The following EMC1 variants were observed in gnomAD, a reference collection of about 807,000 sequenced individuals.
EMC1 encodes KIAA0090.
In EMC1, 103 loss-of-function variants were observed where a neutral mutation model predicts 128.8. That is an observed-to-expected ratio of 0.80 (90% CI 0.68 to 0.94). The LOEUF (loss-of-function observed/expected upper bound fraction) is 0.94, where lower values mean the gene tolerates loss of function less well. Among genes scored for constraint, EMC1 ranks in the 40% least tolerant of loss-of-function variants. The probability of loss-of-function intolerance (pLI) is 0.00; values close to 1 mark genes in which losing one functional copy is unlikely to be tolerated. For missense variants in EMC1, 1,083 were observed against 1,250.6 expected (o/e 0.87, Z 2.02); for synonymous variants, 442 against 490.4 (o/e 0.90, Z 1.30).
chr1:19,222,200 C>T lies in EMC1; in HGVS notation c.2587+424G>A, dbSNP rs116027244. On this transcript the variant is annotated intron_variant, in intron 20 of 22. Transcript: ENST00000477853. Reference sequence around the variant, plus strand: ...GGCAGCCAGGCACGATGGCTCACACCTGTAATCCCAACACTTCAGGAGGCC... The same window carrying T: ...GGCAGCCAGGCACGATGGCTCACACTTGTAATCCCAACACTTCAGGAGGCC... Among the ~76,000 whole-genome samples the T allele has an allele frequency of 5.6e-3, 843 of 150,132 alleles. 4 individuals are homozygous for T. Among genetic ancestry groups the T allele is most frequent in the Non-Finnish European group, 9.0e-3 (608 of 67,334 alleles).
At chr1:19,236,357 C>A (rs1378711124) in intron 12 of EMC1, among the ~76,000 whole-genome samples, 10 of 149,194 alleles carry the variant, frequency 6.7e-5, no homozygotes, top group Admixed American at 6.1e-4. Context: ...AAAACTCTGT[C>A]TCAAAAAAGA....
intron 6 of EMC1, 59 bp downstream of exon 6, chr1:19,240,957 A>G (rs1008255892): frequency 2.5e-6 from 4 of 1,584,838 alleles, no homozygotes; most frequent in Non-Finnish European, 2.6e-6. Flanking sequence ...AGTACAAAGA[A>G]ATCTATCAAG....
intron 20 of EMC1, chr1:19,221,392 T>A (rs1439332415): frequency 2.0e-5 from 3 of 152,412 alleles, no homozygotes; most frequent in Non-Finnish European, 4.4e-5. Flanking sequence ...TCCCAGCACT[T>A]TGGGAGGCCG....
chr1:19,219,589 C>G lies in EMC1; in HGVS notation c.2782G>C (p.Gly928Arg). ...RMRGIYTAPS[G>R]LESTCLVVAY... ...CTCACCAAACAAGTGGACTCCAGACCCGAGGGAGCTGTGTAGATACCTCGC... is the reference window on the plus strand; with the variant it reads ...CTCACCAAACAAGTGGACTCCAGACGCGAGGGAGCTGTGTAGATACCTCGC... The change falls in exon 22 of 23, where the codon GGT becomes CGT. Residue 928 changes from glycine (G) to arginine (R), a missense_variant. Gly to Arg is a moderately radical substitution (Grantham distance 125). Coordinates refer to ENST00000477853, the MANE Select transcript of EMC1 (RefSeq NM_015047.3). 1 of 1,614,060 alleles carries G rather than the reference C, an allele frequency of 6.2e-7. No individual in the cohort carries two copies. Among genetic ancestry groups the G allele is most frequent in the East Asian group, 2.2e-5 (1 of 44,872 alleles).
At chr1:19,237,319 T>G in intron 11 of EMC1, 81 bp from the exon 12 acceptor site, 1 of 953,410 alleles carries the variant, frequency 1.0e-6, no homozygotes, top group Non-Finnish European at 1.7e-6. Context: ...AGTCAAAGCC[T>G]GGACTTAACA....
chr1:19,228,958 C>T (rs1372036261), intron 17 of EMC1, among the ~76,000 whole-genome samples: 2 of 152,208 alleles, frequency 1.3e-5, no homozygotes, highest in East Asian at 1.9e-4. Context: ...GCAGGAGAAT[C>T]GCTTGAAACC....
rs746049382 is a variant in EMC1 at position 19,227,371 on chromosome 1, C to A, written c.2144G>T (p.Ser715Ile). 6.2e-7 allele frequency: 1 copy of A among 1,614,216 alleles called. No individual in the cohort carries two copies. The highest frequency in any genetic ancestry group is 1.1e-5 in the South Asian group (1 of 91,086). Reference protein sequence around the residue: ...QRIVKVKGKRSSEHVHSQGRV... With the variant: ...QRIVKVKGKRISEHVHSQGRV... ...GCCCTGGGAATGAACGTGCTCACTG[C>A]TGCGTTTCCCCTTCACCTTGACGAT... is the stretch of plus-strand genomic sequence containing the variant. Residue 715 changes from serine (S) to isoleucine (I), a missense_variant, in exon 18 of 23, where the codon AGC becomes ATC. Physicochemically the swap from Ser to Ile is moderately radical, Grantham distance 142 (BLOSUM62 -2). Around this residue, in one of 3 missense-constraint regions of EMC1, gnomAD observed 527 missense variants for 644.1 expected, o/e 0.82. Coordinates refer to ENST00000477853, the MANE Select transcript of EMC1 (RefSeq NM_015047.3).
intron 1 of EMC1, among the ~76,000 whole-genome samples, chr1:19,250,054 CCAAAAATA>C (rs1209328576): frequency 6.6e-6 from 1 of 151,748 alleles, no homozygotes; most frequent in African/African-American, 2.4e-5. Flanking sequence ...CCTGTCTCTA[CCAAAAATA>C]CAAAAATTAG....
At position 19,235,115 on chromosome 1, in the gene EMC1, C is replaced by T; in HGVS notation, c.1432+15G>A. The stretch of plus-strand genomic sequence containing the variant: ...CCTCCAGCAACTCTGCAGCTCCAAC[C>T]TCTTAGGTTCATACCTGCCTTTTTG... On this transcript the variant is annotated intron_variant, in intron 13 of 22. Transcript: ENST00000477853. 1 of 1,612,570 alleles carries T rather than the reference C, an allele frequency of 6.2e-7. No individual in the cohort carries two copies. The highest frequency in any genetic ancestry group is 1.3e-5 in the African/African-American group (1 of 75,056).
In EMC1 at chr1:19,227,350, T is replaced by C. The variant is rs1160917593; in HGVS notation, c.2165A>G (p.Gln722Arg). 6.2e-7 allele frequency: 1 copy of C among 1,614,054 alleles called. No individual in the cohort carries two copies. Among genetic ancestry groups the C allele is most frequent in the Admixed American group, 1.7e-5 (1 of 60,010 alleles). The change falls in exon 18 of 23, where the codon CAG becomes CGG. Residue 722 changes from glutamine (Q) to arginine (R), a missense_variant. Physicochemically the swap from Gln to Arg is conservative, Grantham distance 43 (BLOSUM62 1). Transcript: ENST00000477853. ...ACTGCGGTCCCCCATCACACGGCCC[T>C]GGGAATGAACGTGCTCACTGCTGCG... ...GKRSSEHVHSQGRVMGDRSVL... is the reference protein window; with the variant it reads ...GKRSSEHVHSRGRVMGDRSVL...
In EMC1 at chr1:19,216,156, C is replaced by G; in HGVS notation, c.*3147G>C. ...GGAGGCTAAGGAGGGAGGATCACTTCAGCCCAGGTGTTCGAGGCTGCAGTG... is the reference window on the plus strand; with the variant it reads ...GGAGGCTAAGGAGGGAGGATCACTTGAGCCCAGGTGTTCGAGGCTGCAGTG... On this transcript the variant is annotated 3_prime_UTR_variant, in exon 23 of 23. Coordinates refer to ENST00000477853, the MANE Select transcript of EMC1 (RefSeq NM_015047.3). 6.7e-6 allele frequency: 1 copy of G among 148,882 alleles called. No individual in the cohort carries two copies. The highest frequency in any genetic ancestry group is 1.5e-5 in the Non-Finnish European group (1 of 67,734). The allele number at this position is 148,882 out of a possible 1,614,324, so 9.2% of individuals were successfully genotyped here.
rs767753573 is a variant in EMC1, at chr1:19,227,281, T to G, written c.2202+32A>C. 44 of 1,612,980 alleles carry G rather than the reference T, an allele frequency of 2.7e-5. No homozygotes were observed. The Admixed American group carries it at 6.8e-4, about 25-fold the overall frequency. ...CCTTGTTTTCCTGATTCGAAAGCCC[T>G]TGCTGTAGACCAGACAGCTGGCTGT... On this transcript the variant is annotated intron_variant, in intron 18 of 22. Coordinates refer to ENST00000477853, the MANE Select transcript of EMC1 (RefSeq NM_015047.3).
chr1:19,219,068 T>C lies in EMC1; in HGVS notation c.*235A>G, dbSNP rs556424736. ...CCTTTGGACTTCAAGAGAAAGCCCA[T>C]CAGGAATCTCTGAGAGTGTCAGCTG... On this transcript the variant is annotated 3_prime_UTR_variant, in exon 23 of 23. Transcript: ENST00000477853. 1.3e-5 allele frequency: 6 copies of C among 477,752 alleles called. No individual in the cohort carries two copies. The South Asian group carries it at 1.9e-4, about 15-fold the overall frequency. 29.6% of individuals were successfully genotyped at this position (477,752 alleles called of 1,614,324 possible). A position where few individuals can be genotyped will look rare whatever the true frequency, so the allele number is the denominator to read the frequency against.
intron 18 of EMC1, among the ~76,000 whole-genome samples, chr1:19,224,388 G>A (rs368453794): frequency 1.8e-4 from 28 of 152,158 alleles, no homozygotes; most frequent in Middle Eastern, 3.4e-3. Flanking sequence ...ACTTAACATG[G>A]CCCAAGCTGA....
chr1:19,235,161 G>A lies in EMC1; in HGVS notation c.1401C>T (p.Ala467=), dbSNP rs372799046. Residue 467 remains alanine, a synonymous_variant, in exon 13 of 23, where the codon GCC becomes GCT. Coordinates refer to ENST00000477853, the MANE Select transcript of EMC1 (RefSeq NM_015047.3). ...TTTTGCCAAATTCTCCTTCCAGCTCGGCCTGTGCCCCAGTCAGGGGGAGGT... is the reference window on the plus strand; with the variant it reads ...TTTTGCCAAATTCTCCTTCCAGCTCAGCCTGTGCCCCAGTCAGGGGGAGGT... ...MVDLPLTGAQ[A]ELEGEFGKKA... is the part of the protein sequence containing the mutation. 393 of 1,613,858 alleles carry A rather than the reference G, an allele frequency of 2.4e-4. 3 individuals carry two copies. The South Asian group carries it at 3.3e-3, about 14-fold the overall frequency.
At position 19,233,155 on chromosome 1, in the gene EMC1, A is replaced by C. The variant is rs749333606; in HGVS notation, c.1433-20T>G. 13 of 1,600,922 alleles carry C rather than the reference A, an allele frequency of 8.1e-6. No homozygotes were observed. The East Asian group carries it at 2.7e-4, about 33-fold the overall frequency. On this transcript the variant is annotated intron_variant, in intron 13 of 22. Transcript: ENST00000477853. ...AGCCATCTGGTGTAAAGGAAAAGTA[A>C]CATACTCTACATCAGACTAGGGGTC...
At chr1:19,224,826 G>A (rs1233613594) in intron 18 of EMC1, among the ~76,000 whole-genome samples, 1 of 152,172 alleles carries the variant, frequency 6.6e-6, no homozygotes, top group Non-Finnish European at 1.5e-5. Flanking sequence ...GGCCTGACAT[G>A]CCTCCTCACT....
chr1:19,251,458 G>T lies in EMC1; in HGVS notation c.52C>A (p.Pro18Thr), dbSNP rs1356408223. 6.2e-7 allele frequency: 1 copy of T among 1,614,056 alleles called. No individual in the cohort carries two copies. The highest frequency in any genetic ancestry group is 8.5e-7 in the Non-Finnish European group (1 of 1,180,050). ...RFWLWATLLI[P>T]AAAVYEDQVG... is the part of the protein sequence containing the mutation. ...TGGTCTTCGTAGACCGCGGCCGCAG[G>T]AATCAGCAGCGTAGCCCAAAGCCAG... Residue 18 changes from proline (P) to threonine (T), a missense_variant, in exon 1 of 23, where the codon CCT becomes ACT. Pro to Thr is a conservative substitution (Grantham distance 38). This residue lies in a region of EMC1 where 544 missense variants were observed against 572.4 expected (regional missense o/e 0.95). Coordinates refer to ENST00000477853, the MANE Select transcript of EMC1 (RefSeq NM_015047.3).
At chr1:19,220,902 T>TCAC in intron 20 of EMC1, 54 bp from the exon 21 acceptor site, 1 of 1,318,342 alleles carries the variant, frequency 7.6e-7, no homozygotes, top group Non-Finnish European at 1.1e-6. Flanking sequence ...CAAGGGCCAG[T>TCAC]TACAAAAATG....
Sources: allele counts gnomAD v4.1 joint callset (sites outside exome capture counted in the v4.1 genomes callset), GRCh38; gene constraint gnomAD v4.1.1; regional missense constraint gnomAD v4.1.1; transcripts MANE v1.5; gene names NCBI Gene and HGNC (gene_info 2026-07-23, HGNC 2026-07-21).